Variants in MKRN1 observed in about 807,000 individuals in gnomAD.
MKRN1 encodes the protein E3 ubiquitin-protein ligase makorin-1.
MKRN1 carries 9 observed loss-of-function variants against 55.5 expected under a neutral mutation model. That is an observed-to-expected ratio of 0.16 (90% CI 0.10 to 0.28). The LOEUF (loss-of-function observed/expected upper bound fraction) is 0.28, where lower values mean the gene tolerates loss of function less well. Ranked by LOEUF, MKRN1 falls within the 10% of genes least tolerant of loss-of-function variation. MKRN1 has a pLI of 1.00. For missense variants in MKRN1, 488 were observed against 626.7 expected, an observed-to-expected ratio of 0.78 and a Z score of 2.36; for synonymous variants, 253 against 235.9, an observed-to-expected ratio of 1.07 and a Z score of -0.66.
In MKRN1 at chr7:140,459,308, G is replaced by C. The variant is rs6966409; in HGVS notation, c.545-75C>G. On this transcript the variant is annotated intron_variant, in intron 3 of 7. Transcript: ENST00000255977. ...CTATAAGAGAACTGAGAATCTAACC[G>C]CAAAAAATGAAAATAAAACTGCAAT... The C allele has an allele frequency of 7.0e-6, 10 of 1,426,286 alleles. No homozygotes were observed. In the African/African-American group the frequency reaches 1.3e-4, roughly 18 times the overall value. 88.4% of individuals were successfully genotyped at this position (1,426,286 alleles called of 1,614,324 possible).
chr7:140,454,405 G>T lies in MKRN1; in HGVS notation c.*112C>A. 2.0e-6 allele frequency: 2 copies of T among 1,005,650 alleles called. No individual in the cohort carries two copies. The highest frequency in any genetic ancestry group is 3.0e-6 in the Non-Finnish European group (2 of 661,504). The allele number at this position is 1,005,650 out of a possible 1,614,324, so 62.3% of individuals were successfully genotyped here. A position where few individuals can be genotyped will look rare whatever the true frequency, so the allele number is the denominator to read the frequency against. On this transcript the variant is annotated 3_prime_UTR_variant, in exon 8 of 8. Coordinates refer to ENST00000255977, the MANE Select transcript of MKRN1 (RefSeq NM_013446.4). ...GCCCTGGGTAAAAATTCTTAGGACA[G>T]CACCTGGAGTTGAGAGGCCTGCCTA...
intron 2 of MKRN1, among the ~76,000 whole-genome samples, chr7:140,466,979 CTTTTT>C (rs371673846): frequency 7.0e-6 from 1 of 142,386 alleles, no homozygotes; most frequent in African/African-American, 2.5e-5. Flanking sequence ...TCAACTTTTT[CTTTTT>C]TTTTTTTTTT....
chr7:140,454,810 G>T, intron 7 of MKRN1, 81 bp from the exon 8 acceptor site: 1 of 1,410,132 alleles, frequency 7.1e-7, no homozygotes, highest in Non-Finnish European at 1.0e-6. Flanking sequence ...AAAACGTCCA[G>T]CACACCAGAG....
chr7:140,460,578 G>A (rs1005103827), intron 2 of MKRN1, among the ~76,000 whole-genome samples: 1 of 152,062 alleles, frequency 6.6e-6, no homozygotes, highest in Non-Finnish European at 1.5e-5. Flanking sequence ...TGGGGTTACA[G>A]GTGTGAGCCA....
At chr7:140,456,924 A>T in intron 4 of MKRN1, 58 bp from the exon 5 acceptor site, 1 of 1,498,336 alleles carries the variant, frequency 6.7e-7, no homozygotes, top group Non-Finnish European at 9.2e-7. Flanking sequence ...GAAAAACTTG[A>T]GCAACAGTTA....
intron 1 of MKRN1, chr7:140,478,373 C>T (rs900269151): frequency 3.9e-5 from 6 of 152,184 alleles, no homozygotes; most frequent in Admixed American, 1.3e-4. Context: ...CAAACCAAAA[C>T]CAAACCTCTC....
At chr7:140,475,280 T>A in intron 1 of MKRN1, 1 of 419,626 alleles carries the variant, frequency 2.4e-6, no homozygotes, top group Non-Finnish European at 4.8e-6. Context: ...GAGGCAGAGG[T>A]TGTAGTGAGC....
Position 140,455,339 on chromosome 7 carries a change from G to A in MKRN1, c.1098-106C>T. The stretch of plus-strand genomic sequence containing the variant: ...AGGTAGGGATAGAACCAGTATGTCA[G>A]CTTACAGCCCTCCCCAAGATGTGTT... On this transcript the variant is annotated intron_variant, in intron 6 of 7. Coordinates refer to ENST00000255977, the MANE Select transcript of MKRN1 (RefSeq NM_013446.4). 2.2e-6 allele frequency: 3 copies of A among 1,377,004 alleles called. No homozygotes were observed. The South Asian group carries it at 3.9e-5, about 18-fold the overall frequency. 85.3% of individuals were successfully genotyped at this position (1,377,004 alleles called of 1,614,324 possible). A position where few individuals can be genotyped will look rare whatever the true frequency, so the allele number is the denominator to read the frequency against.
At chr7:140,470,928 A>C (rs984614184) in intron 2 of MKRN1, among the ~76,000 whole-genome samples, 1 of 151,330 alleles carries the variant, frequency 6.6e-6, no homozygotes, top group Non-Finnish European at 1.5e-5. Context: ...TCACACACAC[A>C]AAAAATATCC....
chr7:140,473,217 A>AG (rs1306425261), intron 1 of MKRN1: 2 of 431,578 alleles, frequency 4.6e-6, no homozygotes, highest in African/African-American at 4.2e-5. Flanking sequence ...CACCAAAAAA[A>AG]AAAAAAAAAA....
At chr7:140,470,400 C>A (rs1217032872) in intron 2 of MKRN1, among the ~76,000 whole-genome samples, 1 of 151,864 alleles carries the variant, frequency 6.6e-6, no homozygotes, top group Non-Finnish European at 1.5e-5. Flanking sequence ...GCCTGGCCAA[C>A]ATGGTGAAAC....
At chr7:140,471,064 A>C (rs1179077385) in intron 2 of MKRN1, among the ~76,000 whole-genome samples, 3 of 152,156 alleles carry the variant, frequency 2.0e-5, no homozygotes, top group Admixed American at 1.3e-4. Flanking sequence ...CTGAGATAAT[A>C]AATGTTCACT....
chr7:140,460,331 A>G (rs765193838), intron 2 of MKRN1: 41 of 125,028 alleles, frequency 3.3e-4, no homozygotes, highest in Non-Finnish European at 5.7e-4. Context: ...TTTTTTTGAG[A>G]TGGAGTCTTG....
At position 140,479,263 on chromosome 7, in the gene MKRN1, G is replaced by A; in HGVS notation, c.82C>T (p.Pro28Ser). ...AAAATAAAAS[P>S]TPIPTVTAPS... ...GCGGTGACTGTGGGGATCGGGGTGG[G>A]GGAGGCTGCTGCCGCCGTCGCCGCT... is the stretch of plus-strand genomic sequence containing the variant. The change falls in exon 1 of 8, where the codon CCC becomes TCC. Residue 28 changes from proline (P) to serine (S), a missense_variant. Physicochemically the swap from Pro to Ser is moderately conservative, Grantham distance 74 (BLOSUM62 -1). Transcript: ENST00000255977. 2.9e-6 allele frequency: 4 copies of A among 1,402,170 alleles called. No homozygotes were observed. In the South Asian group the frequency reaches 4.8e-5, roughly 17 times the overall value. 86.9% of individuals were successfully genotyped at this position (1,402,170 alleles called of 1,614,324 possible). A position where few individuals can be genotyped will look rare whatever the true frequency, so the allele number is the denominator to read the frequency against.
Position 140,474,005 on chromosome 7 carries a change from AAAAGAAAGAAAGAAAGAAAGAAAG to A in MKRN1, c.186-2018_186-1995del, listed in dbSNP as rs71272543. ...GAAACTCCGTCTCAAAAAAAAAAAA[AAAAGAAAGAAAGAAAGAAAGAAAG>A]AAAGAAAGAAAGAAAGAAAGAAAGA... is the stretch of plus-strand genomic sequence containing the variant. On this transcript the variant is annotated intron_variant, in intron 1 of 7. Coordinates refer to ENST00000255977, the MANE Select transcript of MKRN1 (RefSeq NM_013446.4). 1.8e-3 allele frequency among the ~76,000 whole-genome samples: 116 copies of A among 65,666 alleles called. 5 individuals carry two copies. The highest frequency in any genetic ancestry group is 0.014 in the Middle Eastern group (2 of 140). 43.1% of individuals were successfully genotyped at this position (65,666 alleles called of 152,430 possible).
chr7:140,472,153 C>CT, intron 1 of MKRN1, 142 bp from the exon 2 acceptor site: 1 of 1,156,442 alleles, frequency 8.6e-7, no homozygotes, highest in Non-Finnish European at 1.2e-6. Context: ...GGCATGGTGG[C>CT]TCATGCCTGT....
rs780731227 is a variant in MKRN1, at chr7:140,459,038, A to G, written c.740T>C (p.Met247Thr). The G allele has an allele frequency of 1.2e-6, 2 of 1,613,990 alleles. No individual in the cohort carries two copies. The part of the protein sequence containing the change: ...DMCGLQVLHP[M>T]DAAQRSQHIK... The stretch of plus-strand genomic sequence containing the variant: ...ATGCTGCGATCTCTGGGCAGCATCC[A>G]TTGGATGCAGGACCTGCAGCCCACA... The change falls in exon 4 of 8, where the codon ATG becomes ACG. Residue 247 changes from methionine to threonine, a missense_variant. Coordinates refer to ENST00000255977, the MANE Select transcript of MKRN1 (RefSeq NM_013446.4).
intron 1 of MKRN1, chr7:140,473,408 C>T (rs1794993534): frequency 6.1e-6 from 2 of 327,782 alleles, no homozygotes; most frequent in Non-Finnish European, 1.2e-5. Flanking sequence ...TGGCCCCCAA[C>T]ATAGAGAACA....
Position 140,454,444 on chromosome 7 carries a change from GCACT to G in MKRN1, c.*69_*72del. 5 of 1,432,194 alleles carry G rather than the reference GCACT, an allele frequency of 3.5e-6. No individual in the cohort carries two copies. Among genetic ancestry groups the G allele is most frequent in the Non-Finnish European group, 4.8e-6 (5 of 1,034,172 alleles). The allele number at this position is 1,432,194 out of a possible 1,614,324, so 88.7% of individuals were successfully genotyped here. A position where few individuals can be genotyped will look rare whatever the true frequency, so the allele number is the denominator to read the frequency against. ...GAGGCCTGCCTAGGAGAGAACACAG[GCACT>G]GCCACACCACCACAGGGGACAGCTG... On this transcript the variant is annotated 3_prime_UTR_variant, in exon 8 of 8. Transcript: ENST00000255977.
Sources: allele counts gnomAD v4.1 joint callset (sites outside exome capture counted in the v4.1 genomes callset), GRCh38; gene constraint gnomAD v4.1.1; transcripts MANE v1.5; gene names NCBI Gene and HGNC (gene_info 2026-07-23, HGNC 2026-07-21).